Variants in KCNIP1 observed in about 807,000 individuals in gnomAD.
KCNIP1 encodes A-type potassium channel modulatory protein KCNIP1.
In KCNIP1, 18 loss-of-function variants were observed where a neutral mutation model predicts 33.0. That is an observed-to-expected ratio of 0.55 (90% CI 0.38 to 0.81). KCNIP1 has a LOEUF of 0.81. KCNIP1 is among the 30% of genes least tolerant of loss of function. KCNIP1 has a pLI of 0.00. For synonymous variants in KCNIP1, 93 were observed against 98.3 expected, an observed-to-expected ratio of 0.95 and a Z score of 0.32; for missense variants, 238 against 271.6, an observed-to-expected ratio of 0.88 and a Z score of 0.87.
At chr5:170,514,569 C>G (rs1755058184) in intron 1 of KCNIP1, among the ~76,000 whole-genome samples, 4 of 152,210 alleles carry the variant, frequency 2.6e-5, no homozygotes, top group Admixed American at 2.6e-4. Flanking sequence ...ACAGGCATTT[C>G]AAAGGAGAAA....
At chr5:170,522,162 A>C (rs1755387910) in intron 1 of KCNIP1, among the ~76,000 whole-genome samples, 1 of 152,236 alleles carries the variant, frequency 6.6e-6, no homozygotes, top group Non-Finnish European at 1.5e-5. Context: ...GGCATGGAAC[A>C]GGGCAGCTCA....
intron 1 of KCNIP1, among the ~76,000 whole-genome samples, chr5:170,655,839 C>T (rs1761242470): frequency 6.6e-6 from 1 of 152,170 alleles, no homozygotes; most frequent in Admixed American, 6.5e-5. Flanking sequence ...AAACCAGCCT[C>T]TCTCAAATCA....
At chr5:170,598,896 T>TGCGC (rs1554103618) in intron 1 of KCNIP1, among the ~76,000 whole-genome samples, 1 of 121,476 alleles carries the variant, frequency 8.2e-6, no homozygotes, top group Non-Finnish European at 1.8e-5. Context: ...CCGCTGTGTG[T>TGCGC]GTGTGCGCGT....
chr5:170,700,357 TA>T (rs1167613966), intron 1 of KCNIP1, among the ~76,000 whole-genome samples: 1 of 152,112 alleles, frequency 6.6e-6, no homozygotes, highest in East Asian at 1.9e-4. Flanking sequence ...ACATTATTTT[TA>T]AAAAATCATT....
chr5:170,361,890 G>A (rs1763522537), intron 1 of KCNIP1, among the ~76,000 whole-genome samples: 1 of 152,164 alleles, frequency 6.6e-6, no homozygotes, highest in South Asian at 2.1e-4. Context: ...TCAGGAGTGG[G>A]ATTTCAACAT....
At chr5:170,641,294 G>C (rs1254734114) in intron 1 of KCNIP1, among the ~76,000 whole-genome samples, 2 of 152,152 alleles carry the variant, frequency 1.3e-5, no homozygotes, top group Admixed American at 1.3e-4. Flanking sequence ...CAAGGTTAAG[G>C]TATGAAGAGA....
chr5:170,412,997 G>A (rs758858462), intron 1 of KCNIP1, among the ~76,000 whole-genome samples: 7 of 152,184 alleles, frequency 4.6e-5, no homozygotes, highest in Non-Finnish European at 8.8e-5. Flanking sequence ...CTGCAGTGGC[G>A]ATTGTTGTCT....
At chr5:170,602,923 A>G (rs1758751724) in intron 1 of KCNIP1, among the ~76,000 whole-genome samples, 1 of 152,122 alleles carries the variant, frequency 6.6e-6, no homozygotes, top group Admixed American at 6.5e-5. Context: ...GCCGCATCAC[A>G]CAGTTAGTGA....
intron 1 of KCNIP1, among the ~76,000 whole-genome samples, chr5:170,580,285 T>G (rs2113515192): frequency 6.6e-6 from 1 of 152,322 alleles, no homozygotes; most frequent in East Asian, 1.9e-4. Flanking sequence ...TAGACTACAT[T>G]AACAGAAGTA....
At chr5:170,473,331 G>GCTA (rs1756778946) in intron 1 of KCNIP1, among the ~76,000 whole-genome samples, 1 of 152,174 alleles carries the variant, frequency 6.6e-6, no homozygotes, top group Non-Finnish European at 1.5e-5. Context: ...TCTCACAGTT[G>GCTA]CTGTACTTGT....
chr5:170,676,983 G>T (rs982234841), intron 1 of KCNIP1, among the ~76,000 whole-genome samples: 2 of 152,208 alleles, frequency 1.3e-5, no homozygotes, highest in Non-Finnish European at 2.9e-5. Flanking sequence ...TCCAGAGGAA[G>T]TCTGATTCCC....
chr5:170,694,035 A>T (rs1762810941), intron 1 of KCNIP1, among the ~76,000 whole-genome samples: 1 of 152,180 alleles, frequency 6.6e-6, no homozygotes, highest in Admixed American at 6.5e-5. Flanking sequence ...CCCCTCCGGG[A>T]TGACAGGTGC....
At chr5:170,703,209 A>G (rs1763158157) in intron 1 of KCNIP1, among the ~76,000 whole-genome samples, 1 of 137,926 alleles carries the variant, frequency 7.3e-6, no homozygotes, top group Non-Finnish European at 1.5e-5. Flanking sequence ...CCAAACACAT[A>G]AAAGTCACTT....
At chr5:170,539,869 G>C (rs1196778390) in intron 1 of KCNIP1, among the ~76,000 whole-genome samples, 1 of 152,180 alleles carries the variant, frequency 6.6e-6, no homozygotes, top group Non-Finnish European at 1.5e-5. Flanking sequence ...AAGTTTAAAT[G>C]TGTCTTCTAA....
At chr5:170,733,155 G>T (rs1164244185) in intron 6 of KCNIP1, among the ~76,000 whole-genome samples, 1 of 152,170 alleles carries the variant, frequency 6.6e-6, no homozygotes, top group Non-Finnish European at 1.5e-5. Context: ...ATAAAAATTT[G>T]GGGATCAGGG....
chr5:170,414,846 A>G (rs1434397843), intron 1 of KCNIP1, among the ~76,000 whole-genome samples: 2 of 152,218 alleles, frequency 1.3e-5, no homozygotes, highest in Admixed American at 6.5e-5. Context: ...AAATGTGCTG[A>G]ATCTACCTGG....
At chr5:170,400,110 C>T (rs1376037076) in intron 1 of KCNIP1, among the ~76,000 whole-genome samples, 4 of 152,194 alleles carry the variant, frequency 2.6e-5, no homozygotes, top group Non-Finnish European at 4.4e-5. Flanking sequence ...GACAGCCTCT[C>T]GTGAGTGCCA....
At chr5:170,422,029 A>G (rs1755506981) in intron 1 of KCNIP1, 1 of 151,608 alleles carries the variant, frequency 6.6e-6, no homozygotes, top group Non-Finnish European at 1.5e-5. Context: ...GGGACATTCA[A>G]TAACTTGGCA....
intron 1 of KCNIP1, among the ~76,000 whole-genome samples, chr5:170,368,318 G>A (rs1763752061): frequency 6.6e-6 from 1 of 152,192 alleles, no homozygotes; most frequent in African/African-American, 2.4e-5. Context: ...AGGCTGGAGT[G>A]CAGTGGCGCA....
Sources: allele counts gnomAD v4.1 joint callset (sites outside exome capture counted in the v4.1 genomes callset), GRCh38; gene constraint gnomAD v4.1.1; transcripts MANE v1.5; gene names NCBI Gene and HGNC (gene_info 2026-07-23, HGNC 2026-07-21).